Variants in DOCK4 observed in about 807,000 individuals in gnomAD.
DOCK4 encodes the protein dedicator of cytokinesis 4.
DOCK4 carries 97 observed loss-of-function variants against 268.1 expected under a neutral mutation model. The observed-to-expected ratio is 0.36, with a 90% CI of 0.31 to 0.43. DOCK4 has a LOEUF of 0.43. DOCK4 is among the 20% of genes least tolerant of loss of function. DOCK4 has a pLI of 1.00. For synonymous variants in DOCK4, 954 were observed against 887.2 expected, an observed-to-expected ratio of 1.08 and a Z score of -1.34; for missense variants, 2,145 against 2,455.7, an observed-to-expected ratio of 0.87 and a Z score of 2.67.
intron 16 of DOCK4, among the ~76,000 whole-genome samples, chr7:111,885,276 G>A (rs1807739420): frequency 6.6e-6 from 1 of 152,138 alleles, no homozygotes; most frequent in South Asian, 2.1e-4. Flanking sequence ...TTGTTACCAT[G>A]GTAAAATCCA....
At chr7:111,973,156 C>CGCATATATATATATATATAT (rs990863473) in intron 8 of DOCK4, among the ~76,000 whole-genome samples, 18 of 114,048 alleles carry the variant, frequency 1.6e-4, no homozygotes, top group African/African-American at 5.8e-4. Flanking sequence ...TATTCCATGG[C>CGCATATATATATATATATAT]ATATATATAT....
intron 4 of DOCK4, among the ~76,000 whole-genome samples, chr7:111,995,780 GT>G (rs1307333907): frequency 6.6e-6 from 1 of 152,060 alleles, no homozygotes; most frequent in Admixed American, 6.6e-5. Flanking sequence ...TCCCAACAGA[GT>G]TTCATCTCCT....
intron 1 of DOCK4, among the ~76,000 whole-genome samples, chr7:112,205,376 G>A (rs1254895550): frequency 6.6e-6 from 1 of 151,940 alleles, no homozygotes; most frequent in African/African-American, 2.4e-5. Flanking sequence ...CGCTCACCCG[G>A]GGTCGAGAGG....
intron 40 of DOCK4, 54 bp downstream of exon 40, chr7:111,760,127 G>C: frequency 3.8e-6 from 6 of 1,593,610 alleles, no homozygotes; most frequent in Non-Finnish European, 5.2e-6. Context: ...GAAATGCTCT[G>C]CAGCTAAGAG....
At chr7:111,933,143 T>C (rs568584805) in intron 12 of DOCK4, among the ~76,000 whole-genome samples, 1 of 138,784 alleles carries the variant, frequency 7.2e-6, no homozygotes, top group African/African-American at 2.6e-5. Context: ...TATACACATA[T>C]ATATACGTAT....
intron 15 of DOCK4, among the ~76,000 whole-genome samples, chr7:111,898,722 G>A (rs1040754935): frequency 6.6e-6 from 1 of 152,064 alleles, no homozygotes; most frequent in African/African-American, 2.4e-5. Context: ...ATAGTTTGTG[G>A]TATTATCAAG....
chr7:112,106,533 T>G (rs1425078105), intron 1 of DOCK4, among the ~76,000 whole-genome samples: 2 of 152,240 alleles, frequency 1.3e-5, no homozygotes, highest in East Asian at 1.9e-4. Context: ...CCACGGTGGA[T>G]GGCAGAAATG....
chr7:112,132,401 G>T (rs1403963565), intron 1 of DOCK4, among the ~76,000 whole-genome samples: 2 of 151,970 alleles, frequency 1.3e-5, no homozygotes, highest in Non-Finnish European at 2.9e-5. Flanking sequence ...GAAAAATCTG[G>T]GATAAAAACA....
chr7:112,044,107 C>T (rs1359173716), intron 1 of DOCK4, among the ~76,000 whole-genome samples: 2 of 152,114 alleles, frequency 1.3e-5, no homozygotes, highest in Non-Finnish European at 2.9e-5. Context: ...AACTGAAGCA[C>T]AGAGAAGCTA....
chr7:112,092,993 A>T (rs1044908470), intron 1 of DOCK4, among the ~76,000 whole-genome samples: 2 of 152,188 alleles, frequency 1.3e-5, no homozygotes, highest in African/African-American at 4.8e-5. Context: ...ACTTCAGTTT[A>T]TCAATAGATT....
intron 1 of DOCK4, among the ~76,000 whole-genome samples, chr7:112,171,640 C>A (rs1034635411): frequency 6.6e-6 from 1 of 152,178 alleles, no homozygotes; most frequent in African/African-American, 2.4e-5. Flanking sequence ...GTACCCTGCA[C>A]CCCGATTGCA....
At chr7:111,922,420 C>T (rs1321246536) in intron 12 of DOCK4, among the ~76,000 whole-genome samples, 2 of 152,092 alleles carry the variant, frequency 1.3e-5, no homozygotes, top group African/African-American at 4.8e-5. Context: ...TAATCAATAG[C>T]TCTATTCTCT....
rs140023907 is a variant in DOCK4 at position 111,795,843 on chromosome 7, C to T, written c.3167-5238G>A. 1.4e-4 allele frequency among the ~76,000 whole-genome samples: 22 copies of T among 152,302 alleles called. No homozygotes were observed. The East Asian group carries it at 4.1e-3, about 28-fold the overall frequency. On this transcript the variant is annotated intron_variant, in intron 30 of 52. Transcript: ENST00000428084. The stretch of plus-strand genomic sequence containing the variant: ...TGAATTCCCTTGGAATTTCCATCCT[C>T]CTGGAAAAGGTACCCTTGACAGAGG...
At chr7:112,120,296 T>C (rs1390964802) in intron 1 of DOCK4, among the ~76,000 whole-genome samples, 3 of 152,256 alleles carry the variant, frequency 2.0e-5, no homozygotes, top group African/African-American at 7.2e-5. Context: ...TTTCATCCAC[T>C]GGGCCACATG....
chr7:111,790,566 G>A lies in DOCK4; in HGVS notation c.3206C>T (p.Pro1069Leu), dbSNP rs778301191. 7 of 1,613,774 alleles carry A rather than the reference G, an allele frequency of 4.3e-6. No homozygotes were observed. Among genetic ancestry groups the A allele is most frequent in the South Asian group, 1.1e-5 (1 of 91,062 alleles). The change falls in exon 31 of 53, where the codon CCC (proline) becomes CTC (leucine). Residue 1069 changes from proline (P) to leucine (L), a missense_variant. Coordinates refer to ENST00000428084, the MANE Select transcript of DOCK4 (RefSeq NM_001363540.2). Reference sequence around the variant, plus strand: ...GGGTATCAAGGTCACTTCTAGGAAGGGGCCAATCAGGGCAGGGATAAAATG... The same window carrying A: ...GGGTATCAAGGTCACTTCTAGGAAGAGGCCAATCAGGGCAGGGATAAAATG... ...KLHFIPALIGPFLEVTLIPQP... is the reference protein window; with the variant it reads ...KLHFIPALIGLFLEVTLIPQP...
chr7:112,074,586 T>C (rs971601183), intron 1 of DOCK4, among the ~76,000 whole-genome samples: 4 of 152,162 alleles, frequency 2.6e-5, no homozygotes, highest in East Asian at 1.9e-4. Flanking sequence ...AGGGACATAC[T>C]CCTTCCTGTC....
intron 15 of DOCK4, 37 bp downstream of exon 15, chr7:111,900,337 C>T: frequency 6.2e-7 from 1 of 1,602,708 alleles, no homozygotes. Context: ...TACTCCAGCA[C>T]AATAGACACA....
At chr7:111,952,302 C>T (rs1368687040) in intron 8 of DOCK4, among the ~76,000 whole-genome samples, 3 of 152,134 alleles carry the variant, frequency 2.0e-5, no homozygotes, top group African/African-American at 7.2e-5. Context: ...TAGAAATGTT[C>T]TTCCTGGTCA....
rs1251700888 is a variant in DOCK4 at position 112,004,293 on chromosome 7, G to A, written c.38-162C>T. ...TATATCTTTCTAAGAAAATCACTAA[G>A]TTCACATACTTTGCCAACTTCTTAG... is the stretch of plus-strand genomic sequence containing the variant. On this transcript the variant is annotated intron_variant, in intron 1 of 52. Coordinates refer to ENST00000428084, the MANE Select transcript of DOCK4 (RefSeq NM_001363540.2). 7 of 562,052 alleles carry A rather than the reference G, an allele frequency of 1.2e-5. No homozygotes were observed. In the East Asian group the frequency reaches 2.0e-4, roughly 16 times the overall value. 34.8% of individuals were successfully genotyped at this position (562,052 alleles called of 1,614,324 possible). A position where few individuals can be genotyped will look rare whatever the true frequency, so the allele number is the denominator to read the frequency against.
Sources: gnomAD v4.1 joint callset for allele counts (sites outside exome capture counted in the v4.1 genomes callset) on GRCh38, gnomAD v4.1.1 for gene constraint, MANE v1.5 for transcripts, NCBI Gene and HGNC (gene_info 2026-07-23, HGNC 2026-07-21) for gene names.